Variants in DMBX1 observed in about 807,000 individuals in gnomAD.
DMBX1 encodes the protein diencephalon/mesencephalon homeobox 1.
In DMBX1, 7 loss-of-function variants were observed where a neutral mutation model predicts 30.4. The observed-to-expected ratio is 0.23, with a 90% CI of 0.13 to 0.43. DMBX1 has a LOEUF of 0.43. DMBX1 is among the 20% of genes least tolerant of loss of function. The probability of loss-of-function intolerance (pLI) is 1.00; values close to 1 mark genes in which losing one functional copy is unlikely to be tolerated. For synonymous variants in DMBX1, 222 were observed against 214.2 expected, an observed-to-expected ratio of 1.04 and a Z score of -0.32; for missense variants, 460 against 508.5, an observed-to-expected ratio of 0.90 and a Z score of 0.92.
chr1:46,511,377 GCATGGCGCA>G, intron 5 of DMBX1, 94 bp downstream of exon 5: 6 of 1,306,230 alleles, frequency 4.6e-6, no homozygotes, highest in Non-Finnish European at 6.1e-6. Context: ...CCCCTCAGGG[GCATGGCGCA>G]TCAGAAAGGA....
In DMBX1 at chr1:46,492,445, G is replaced by T. The variant is rs78399295; in HGVS notation, c.-13+1662G>T. ...TCTCCTGGGCGTCAGTGCTCTGGGA[G>T]TGTACAGCCTAAAATGAGGAGTCCA... is the stretch of plus-strand genomic sequence containing the variant. On this transcript the variant is annotated intron_variant, in intron 2 of 5. Transcript: ENST00000360032. 0.018 allele frequency among the ~76,000 whole-genome samples: 2,759 copies of T among 152,284 alleles called. 200 individuals carry two copies. In the East Asian group the frequency reaches 0.23, roughly 13 times the overall value.
chr1:46,508,825 C>CCCCCCCCCCCCCCCCCCCCCCCA (rs1666292409), intron 3 of DMBX1, among the ~76,000 whole-genome samples: 1 of 125,556 alleles, frequency 8.0e-6, no homozygotes, highest in Non-Finnish European at 1.7e-5. Context: ...ACCCCCCACC[C>CCCCCCCCCCCCCCCCCCCCCCCA]CCCACCACCC....
intron 2 of DMBX1, among the ~76,000 whole-genome samples, chr1:46,499,221 G>A (rs913522831): frequency 6.6e-6 from 1 of 152,094 alleles, no homozygotes; most frequent in African/African-American, 2.4e-5. Context: ...ATTTTTAACA[G>A]AGTTGGGGTT....
At chr1:46,504,371 C>A (rs879405544) in intron 2 of DMBX1, among the ~76,000 whole-genome samples, 560 of 111,882 alleles carry the variant, frequency 5.0e-3, no homozygotes, top group Admixed American at 7.6e-3. Context: ...GTCTTTAATC[C>A]ATCTTGAATT....
chr1:46,500,881 T>C (rs1227944883), intron 2 of DMBX1, among the ~76,000 whole-genome samples: 5 of 152,214 alleles, frequency 3.3e-5, no homozygotes, highest in African/African-American at 9.6e-5. Context: ...AGGTTTTCAA[T>C]TGTTTGCCAT....
At chr1:46,495,890 G>A (rs924333282) in intron 2 of DMBX1, among the ~76,000 whole-genome samples, 1 of 152,178 alleles carries the variant, frequency 6.6e-6, no homozygotes, top group Non-Finnish European at 1.5e-5. Context: ...CTCAGTGGTG[G>A]GTGGGAGTGT....
At position 46,512,411 on chromosome 1, in the gene DMBX1, A is replaced by C; in HGVS notation, c.1051A>C (p.Ser351Arg). ...GLAPASATLN[S>R]KTTSIENLRL... ...GGCTCCTGCATCAGCTACCCTGAAC[A>C]GTAAAACCACAAGCATCGAGAACCT... is the stretch of plus-strand genomic sequence containing the variant. Residue 351 changes from serine (S) to arginine (R), a missense_variant, in exon 6 of 6, where the codon AGT (serine) becomes CGT (arginine). Coordinates refer to ENST00000360032, the MANE Select transcript of DMBX1 (RefSeq NM_172225.2). The surrounding 1 kb of genome is among the most constrained non-coding windows in gnomAD (Gnocchi z 4.8). 1 of 1,613,930 alleles carries C rather than the reference A, an allele frequency of 6.2e-7. No homozygotes were observed. Among genetic ancestry groups the C allele is most frequent in the Admixed American group, 1.7e-5 (1 of 60,016 alleles).
At chr1:46,505,899 A>C (rs1383240528) in intron 2 of DMBX1, among the ~76,000 whole-genome samples, 2 of 151,948 alleles carry the variant, frequency 1.3e-5, no homozygotes, top group East Asian at 1.9e-4. Context: ...AGTAGACTCA[A>C]CTGCAAGTGG....
In DMBX1 at chr1:46,511,201, A is replaced by C. The variant is rs1666363922; in HGVS notation, c.600A>C (p.Ala200=). The C allele has an allele frequency of 1.2e-6, 2 of 1,613,272 alleles. No homozygotes were observed. Among genetic ancestry groups the C allele is most frequent in the Non-Finnish European group, 8.5e-7 (1 of 1,179,936 alleles). ...CGGACCGTGAGGAGGACCCCAGGGC[A>C]GGGGCTGAGGACCCCAAAGCTGAGA... The part of the protein sequence containing the change: ...DQPDREEDPR[A]GAEDPKAEKS... The change falls in exon 5 of 6, where the codon GCA becomes GCC. Residue 200 remains alanine (A), a synonymous_variant. Transcript: ENST00000360032.
chr1:46,499,226 G>A (rs1031963014), intron 2 of DMBX1, among the ~76,000 whole-genome samples: 2 of 152,022 alleles, frequency 1.3e-5, no homozygotes, highest in Admixed American at 1.3e-4. Context: ...TAACAGAGTT[G>A]GGGTTTCACC....
At chr1:46,495,905 G>A (rs549994982) in intron 2 of DMBX1, among the ~76,000 whole-genome samples, 28 of 152,198 alleles carry the variant, frequency 1.8e-4, no homozygotes, top group Non-Finnish European at 3.4e-4. Context: ...GAGTGTACAG[G>A]AGGGAAGGAA....
chr1:46,501,162 CTCTG>C (rs1244888317), intron 2 of DMBX1, among the ~76,000 whole-genome samples: 11 of 150,904 alleles, frequency 7.3e-5, no homozygotes, highest in African/African-American at 1.5e-4. Flanking sequence ...CCCTCTCTCT[CTCTG>C]TCTCTTTCTT....
chr1:46,509,956 A>G (rs947956053), intron 3 of DMBX1, among the ~76,000 whole-genome samples: 1 of 152,158 alleles, frequency 6.6e-6, no homozygotes, highest in African/African-American at 2.4e-5. Context: ...GTGCTGGTGA[A>G]TTCTGTCTGC....
At chr1:46,509,014 A>G (rs546806096) in intron 3 of DMBX1, among the ~76,000 whole-genome samples, 1 of 152,042 alleles carries the variant, frequency 6.6e-6, no homozygotes, top group Admixed American at 6.5e-5. Context: ...TTTAAACTGA[A>G]GAAGAAGTAT....
At chr1:46,504,338 A>T (rs879351435) in intron 2 of DMBX1, among the ~76,000 whole-genome samples, 862 of 109,352 alleles carry the variant, frequency 7.9e-3, no homozygotes, top group Admixed American at 0.012. Flanking sequence ...TAGGGTTTTT[A>T]TGGTTTTAGG....
intron 2 of DMBX1, among the ~76,000 whole-genome samples, chr1:46,499,172 G>A (rs1666077661): frequency 6.6e-6 from 1 of 152,076 alleles, no homozygotes; most frequent in South Asian, 2.1e-4. Context: ...GAGTAGCTGG[G>A]ATTACAGGTG....
At position 46,493,564 on chromosome 1, in the gene DMBX1, T is replaced by G. The variant is rs917459860; in HGVS notation, c.-13+2781T>G. Among the ~76,000 whole-genome samples the G allele has an allele frequency of 2.6e-5, 4 of 152,254 alleles. No individual in the cohort carries two copies. The highest frequency in any genetic ancestry group is 5.9e-5 in the Non-Finnish European group (4 of 68,038). On this transcript the variant is annotated intron_variant, in intron 2 of 5. Transcript: ENST00000360032. The surrounding 1 kb of genome is among the most constrained non-coding windows in gnomAD (Gnocchi z 4.1). ...CTTCGGACTTTAGCCAGGTTTTTGC[T>G]GGCAAAGGGGAGTTCCCTGGATATG...
In DMBX1 at chr1:46,513,230, C is replaced by G. The variant is rs943112013; in HGVS notation, c.*736C>G. 18 of 152,708 alleles carry G rather than the reference C, an allele frequency of 1.2e-4. No individual in the cohort carries two copies. Among genetic ancestry groups the G allele is most frequent in the African/African-American group, 4.3e-4 (18 of 41,426 alleles). The allele number at this position is 152,708 out of a possible 1,614,324, so 9.5% of individuals were successfully genotyped here. A position where few individuals can be genotyped will look rare whatever the true frequency, so the allele number is the denominator to read the frequency against. On this transcript the variant is annotated 3_prime_UTR_variant, in exon 6 of 6. Transcript: ENST00000360032. The stretch of plus-strand genomic sequence containing the variant: ...TAATTTTGCGACTTCCCGTTGCTCT[C>G]CTTCTATTCCCTTCCTTCTGCCCTG...
At chr1:46,501,269 TC>T (rs1436440045) in intron 2 of DMBX1, among the ~76,000 whole-genome samples, 20 of 118,652 alleles carry the variant, frequency 1.7e-4, no homozygotes, top group African/African-American at 4.9e-4. Flanking sequence ...TTTCTTTCTT[TC>T]TCTTCTTTCT....
Sources: allele counts gnomAD v4.1 joint callset (sites outside exome capture counted in the v4.1 genomes callset), GRCh38; gene constraint gnomAD v4.1.1; non-coding constraint Gnocchi (gnomAD v3.1); transcripts MANE v1.5; gene names NCBI Gene and HGNC (gene_info 2026-07-23, HGNC 2026-07-21).